Variants in PTPRG observed in about 807,000 individuals in gnomAD.
PTPRG encodes the protein receptor-type tyrosine-protein phosphatase gamma.
A neutral mutation model predicts 165.3 loss-of-function variants in PTPRG; 102 were observed. That is an observed-to-expected ratio of 0.62 (90% CI 0.53 to 0.73). The LOEUF (loss-of-function observed/expected upper bound fraction) is 0.73, where lower values mean the gene tolerates loss of function less well. Among genes scored for constraint, PTPRG ranks in the 30% least tolerant of loss-of-function variants. The pLI, the probability that PTPRG is intolerant of heterozygous loss-of-function variation, is 0.00. For synonymous variants in PTPRG, 675 were observed against 669.5 expected, an observed-to-expected ratio of 1.01 and a Z score of -0.13; for missense variants, 1,866 against 1,861.4, an observed-to-expected ratio of 1.00 and a Z score of -0.05.
At chr3:62,101,373 G>A (rs1292521491) in intron 5 of PTPRG, among the ~76,000 whole-genome samples, 4 of 152,282 alleles carry the variant, frequency 2.6e-5, no homozygotes, top group Non-Finnish European at 1.5e-5. Flanking sequence ...GGAAAATTCC[G>A]ACAGGCCATC....
At chr3:61,873,447 G>A (rs936890913) in intron 2 of PTPRG, among the ~76,000 whole-genome samples, 1 of 152,062 alleles carries the variant, frequency 6.6e-6, no homozygotes, top group East Asian at 1.9e-4. Context: ...AAAAAATATA[G>A]ACATAGCAAA....
intron 5 of PTPRG, among the ~76,000 whole-genome samples, chr3:62,096,184 A>G (rs1014627176): frequency 6.6e-6 from 1 of 152,106 alleles, no homozygotes; most frequent in African/African-American, 2.4e-5. Flanking sequence ...TATTACCAAG[A>G]TTGTAAGGAT....
At chr3:61,728,575 C>T (rs564778666) in intron 1 of PTPRG, among the ~76,000 whole-genome samples, 1 of 151,794 alleles carries the variant, frequency 6.6e-6, no homozygotes, top group Admixed American at 6.6e-5. Context: ...AGAGCAAGAC[C>T]TTGTCTCAAA....
At chr3:62,288,693 G>A (rs547875565) in intron 28 of PTPRG, among the ~76,000 whole-genome samples, 13 of 151,034 alleles carry the variant, frequency 8.6e-5, no homozygotes, top group South Asian at 2.1e-4. Context: ...AAAAAAATTC[G>A]AAAGTTGTTA....
At chr3:62,239,058 G>C (rs938505921) in intron 14 of PTPRG, among the ~76,000 whole-genome samples, 2 of 152,028 alleles carry the variant, frequency 1.3e-5, no homozygotes, top group African/African-American at 4.8e-5. Context: ...TATATGGTGG[G>C]GAATCATTGG....
chr3:61,575,579 A>AAGCATTAG (rs1427355255), intron 1 of PTPRG, among the ~76,000 whole-genome samples: 1 of 151,686 alleles, frequency 6.6e-6, no homozygotes, highest in Non-Finnish European at 1.5e-5. Context: ...AGCACCAGAA[A>AAGCATTAG]AGCATTAGGC....
chr3:62,077,197 T>G (rs1438049047), intron 4 of PTPRG, among the ~76,000 whole-genome samples: 2 of 151,714 alleles, frequency 1.3e-5, no homozygotes, highest in Non-Finnish European at 2.9e-5. Context: ...GCCTAGGAGA[T>G]GGAGGCCGCA....
At chr3:61,666,739 A>G (rs1050829383) in intron 1 of PTPRG, among the ~76,000 whole-genome samples, 2 of 152,202 alleles carry the variant, frequency 1.3e-5, no homozygotes, top group Non-Finnish European at 2.9e-5. Flanking sequence ...CATCCTGTTC[A>G]TCGTAGGGTG....
chr3:61,797,581 A>ACCACCCCCCCCCCCCCCC (rs2035088327), intron 2 of PTPRG, among the ~76,000 whole-genome samples: 1 of 127,356 alleles, frequency 7.9e-6, no homozygotes, highest in African/African-American at 3.0e-5. Flanking sequence ...TTATCTCCAC[A>ACCACCCCCCCCCCCCCCC]CCCCCCCCCA....
chr3:61,562,835 C>G (rs1241931224), intron 1 of PTPRG, among the ~76,000 whole-genome samples: 4 of 152,258 alleles, frequency 2.6e-5, no homozygotes, highest in Admixed American at 1.3e-4. Context: ...GTTTGCTTTG[C>G]TGTTCTCCAT....
At chr3:61,648,232 G>A (rs892844059) in intron 1 of PTPRG, among the ~76,000 whole-genome samples, 3 of 152,218 alleles carry the variant, frequency 2.0e-5, no homozygotes, top group Non-Finnish European at 4.4e-5. Flanking sequence ...CGTTAACATA[G>A]TTGTCCATTC....
intron 1 of PTPRG, among the ~76,000 whole-genome samples, chr3:61,730,608 G>A (rs2032454519): frequency 6.6e-6 from 1 of 152,152 alleles, no homozygotes; most frequent in Non-Finnish European, 1.5e-5. Flanking sequence ...TCTGAGGGGT[G>A]TGTTTGTCCA....
intron 5 of PTPRG, among the ~76,000 whole-genome samples, chr3:62,091,259 G>A (rs949228572): frequency 2.0e-5 from 3 of 152,184 alleles, no homozygotes; most frequent in African/African-American, 7.2e-5. Flanking sequence ...TTGGCTGTGA[G>A]ACAAAGTCTT....
In PTPRG at chr3:62,034,933, G is replaced by A. The variant is rs753216507; in HGVS notation, c.519+31436G>A. 6.8e-4 allele frequency among the ~76,000 whole-genome samples: 104 copies of A among 152,064 alleles called. 1 individual carries two copies. The highest frequency in any genetic ancestry group is 1.3e-3 in the Non-Finnish European group (91 of 68,018). ...TTAGTCTATGTGGCCATCCCTGTCC[G>A]TGGCTCCTTCTTGGGGAGGAGGACT... On this transcript the variant is annotated intron_variant, in intron 4 of 29. Transcript: ENST00000474889.
intron 4 of PTPRG, among the ~76,000 whole-genome samples, chr3:62,058,860 G>A (rs1700715535): frequency 6.6e-6 from 1 of 152,284 alleles, no homozygotes; most frequent in African/African-American, 2.4e-5. Context: ...CTACTCCCAA[G>A]GGAAGGGCTC....
chr3:61,589,944 G>A (rs900785920), intron 1 of PTPRG, among the ~76,000 whole-genome samples: 3 of 152,162 alleles, frequency 2.0e-5, no homozygotes, highest in African/African-American at 7.2e-5. Flanking sequence ...GAGACCCACA[G>A]TTTAGGGAAT....
intron 1 of PTPRG, among the ~76,000 whole-genome samples, chr3:61,712,677 G>A (rs910491284): frequency 6.6e-6 from 1 of 152,150 alleles, no homozygotes. Flanking sequence ...CCCCAGCCGT[G>A]CGGTACTGAG....
At chr3:61,835,693 G>A (rs928725151) in intron 2 of PTPRG, among the ~76,000 whole-genome samples, 1 of 152,050 alleles carries the variant, frequency 6.6e-6, no homozygotes, top group African/African-American at 2.4e-5. Flanking sequence ...TGTCACATCA[G>A]TGGTTCTTAA....
chr3:62,168,240 C>A, intron 8 of PTPRG, 77 bp downstream of exon 8: 1 of 1,381,020 alleles, frequency 7.2e-7, no homozygotes, highest in Non-Finnish European at 9.8e-7. Flanking sequence ...GAATTCAAAG[C>A]CAGCCAGGAA....
Sources: gnomAD v4.1 joint callset for allele counts (sites outside exome capture counted in the v4.1 genomes callset) on GRCh38, gnomAD v4.1.1 for gene constraint, MANE v1.5 for transcripts, NCBI Gene and HGNC (gene_info 2026-07-23, HGNC 2026-07-21) for gene names.